The following PREX2 variants were observed in gnomAD, a reference collection of about 807,000 sequenced individuals.
PREX2 encodes phosphatidylinositol-3,4,5-trisphosphate dependent Rac exchange factor 2.
A neutral mutation model predicts 203.2 loss-of-function variants in PREX2; 107 were observed. The ratio of observed to expected loss-of-function variants is 0.53; its 90% confidence interval spans 0.45 to 0.62. The LOEUF (loss-of-function observed/expected upper bound fraction) is 0.62. Ranked by LOEUF, PREX2 falls within the 20% of genes least tolerant of loss-of-function variation. The pLI is 0.00. For synonymous variants in PREX2, 672 were observed against 663.6 expected (o/e 1.01, Z -0.19); for missense variants, 1,777 against 1,955.9 (o/e 0.91, Z 1.72).
intron 11 of PREX2, among the ~76,000 whole-genome samples, chr8:68,066,161 G>C (rs772482602): frequency 6.6e-6 from 1 of 152,084 alleles, no homozygotes; most frequent in Non-Finnish European, 1.5e-5. Context: ...TCTTGCTATT[G>C]TGAGTAATGC....
chr8:68,137,102 C>T (rs1318765238), intron 32 of PREX2, among the ~76,000 whole-genome samples: 1 of 152,028 alleles, frequency 6.6e-6, no homozygotes, highest in African/African-American at 2.4e-5. Context: ...GACAGGGTTT[C>T]ACCATTTTTG....
chr8:68,053,970 CT>C (rs1808599132), intron 9 of PREX2, among the ~76,000 whole-genome samples: 1 of 152,148 alleles, frequency 6.6e-6, no homozygotes, highest in South Asian at 2.1e-4. Context: ...GCTTGTATTT[CT>C]ACTAATTAAC....
chr8:67,964,596 G>A (rs971980494), intron 1 of PREX2, among the ~76,000 whole-genome samples: 1 of 151,852 alleles, frequency 6.6e-6, no homozygotes, highest in Non-Finnish European at 1.5e-5. Context: ...AGATATATTT[G>A]TAAGAGCTCC....
At chr8:68,092,739 A>G (rs1319182951) in intron 20 of PREX2, among the ~76,000 whole-genome samples, 3 of 152,338 alleles carry the variant, frequency 2.0e-5, no homozygotes, top group Middle Eastern at 3.4e-3. Context: ...ATATCTGACT[A>G]TTAGGGGAAC....
At chr8:68,074,703 T>C (rs1417033089) in intron 14 of PREX2, among the ~76,000 whole-genome samples, 1 of 152,184 alleles carries the variant, frequency 6.6e-6, no homozygotes, top group Non-Finnish European at 1.5e-5. Flanking sequence ...TTGTTTTTCA[T>C]GTAAGGGTCT....
At chr8:68,228,588 C>T (rs1212516533) in intron 39 of PREX2, among the ~76,000 whole-genome samples, 1 of 151,894 alleles carries the variant, frequency 6.6e-6, no homozygotes, top group Non-Finnish European at 1.5e-5. Flanking sequence ...TGGTGAAACC[C>T]CATCTCTACT....
intron 23 of PREX2, chr8:68,101,250 T>C (rs1810255833): frequency 4.3e-6 from 2 of 459,940 alleles, no homozygotes; most frequent in Admixed American, 5.2e-5. Flanking sequence ...GGGATGTGTG[T>C]AAATTAATAC....
intron 34 of PREX2, among the ~76,000 whole-genome samples, chr8:68,150,171 G>A (rs1811405406): frequency 6.6e-6 from 1 of 152,226 alleles, no homozygotes; most frequent in African/African-American, 2.4e-5. Flanking sequence ...AGCATCCTCT[G>A]TAGTCCATGC....
At chr8:68,219,532 A>C (rs1045039415) in intron 38 of PREX2, among the ~76,000 whole-genome samples, 1 of 152,082 alleles carries the variant, frequency 6.6e-6, no homozygotes, top group African/African-American at 2.4e-5. Context: ...TCTTCCCCCG[A>C]ATTTTTTTAA....
At position 68,019,747 on chromosome 8, in the gene PREX2, G is replaced by T. The variant is rs1303509000; in HGVS notation, c.336+76G>T. Reference sequence around the variant, plus strand: ...GATTTAGCTCTTGGCATAGTGGTATGTGTGAATTCAGTATTAGAAGTAAAA... The same window carrying T: ...GATTTAGCTCTTGGCATAGTGGTATTTGTGAATTCAGTATTAGAAGTAAAA... On this transcript the variant is annotated intron_variant, in intron 3 of 39. Transcript: ENST00000288368. 2.2e-6 allele frequency: 3 copies of T among 1,380,468 alleles called. No homozygotes were observed. The African/African-American group carries it at 4.4e-5, about 20-fold the overall frequency. The allele number at this position is 1,380,468 out of a possible 1,614,324, so 85.5% of individuals were successfully genotyped here.
At chr8:68,121,412 A>T (rs1189923202) in intron 30 of PREX2, among the ~76,000 whole-genome samples, 1 of 152,126 alleles carries the variant, frequency 6.6e-6, no homozygotes, top group African/African-American at 2.4e-5. Flanking sequence ...CAAAAAAAAA[A>T]TCAGTTGTGA....
intron 34 of PREX2, among the ~76,000 whole-genome samples, chr8:68,152,915 C>G (rs1295230312): frequency 1.3e-5 from 2 of 152,178 alleles, no homozygotes; most frequent in Non-Finnish European, 2.9e-5. Flanking sequence ...GCTTCACTTT[C>G]CTGTGGTGTC....
At chr8:67,991,047 T>C (rs759222233) in intron 1 of PREX2, among the ~76,000 whole-genome samples, 17 of 152,178 alleles carry the variant, frequency 1.1e-4, no homozygotes, top group Non-Finnish European at 1.9e-4. Flanking sequence ...GCTAACCCGA[T>C]TTGTATGTGT....
chr8:67,968,445 A>G (rs1805835631), intron 1 of PREX2, among the ~76,000 whole-genome samples: 1 of 152,180 alleles, frequency 6.6e-6, no homozygotes, highest in African/African-American at 2.4e-5. Flanking sequence ...AGCACAAAGA[A>G]AAGGAAATAG....
At chr8:68,104,895 C>G (rs1341426627) in intron 23 of PREX2, among the ~76,000 whole-genome samples, 1 of 152,096 alleles carries the variant, frequency 6.6e-6, no homozygotes, top group Non-Finnish European at 1.5e-5. Flanking sequence ...CAATACACCT[C>G]TCTCCACACC....
chr8:68,067,094 T>C (rs950517506), intron 11 of PREX2, among the ~76,000 whole-genome samples: 2 of 152,048 alleles, frequency 1.3e-5, no homozygotes, highest in African/African-American at 4.8e-5. Flanking sequence ...GGTCTATATG[T>C]CCAGTACCAT....
intron 11 of PREX2, 50 bp from the exon 12 acceptor site, chr8:68,068,983 G>T: frequency 1.4e-6 from 1 of 705,496 alleles, no homozygotes; most frequent in Non-Finnish European, 2.3e-6. Flanking sequence ...CTGTTTATCT[G>T]CCCCCTTTTA....
At chr8:67,978,834 G>A (rs1361411350) in intron 1 of PREX2, among the ~76,000 whole-genome samples, 1 of 152,050 alleles carries the variant, frequency 6.6e-6, no homozygotes, top group Non-Finnish European at 1.5e-5. Flanking sequence ...TTATGATAAT[G>A]CCTAGTAAAC....
intron 21 of PREX2, chr8:68,095,220 C>G (rs1410211537): frequency 1.3e-5 from 2 of 152,002 alleles, no homozygotes; most frequent in African/African-American, 4.8e-5. Flanking sequence ...TTCATTAAAT[C>G]ATCAGCCATT....
Sources: gnomAD v4.1 joint callset for allele counts (sites outside exome capture counted in the v4.1 genomes callset) on GRCh38, gnomAD v4.1.1 for gene constraint, MANE v1.5 for transcripts, NCBI Gene and HGNC (gene_info 2026-07-23, HGNC 2026-07-21) for gene names.